Variants in FH observed in about 807,000 individuals in gnomAD.
FH encodes fumarate hydratase, mitochondrial.
Under a neutral mutation model 49.4 loss-of-function variants are expected in FH, and 22 were observed. The ratio of observed to expected loss-of-function variants is 0.45; its 90% CI spans 0.32 to 0.64. The LOEUF (loss-of-function observed/expected upper bound fraction) is 0.64. Among genes scored for constraint, FH ranks in the 30% least tolerant of loss-of-function variants. FH has a pLI of 0.05. For synonymous variants in FH, 208 were observed against 223.0 expected (o/e 0.93, Z 0.60); for missense variants, 526 against 641.5 (o/e 0.82, Z 1.95).
chr1:241,502,638 T>A, intron 7 of FH, 68 bp from the exon 8 acceptor site: 2 of 1,553,158 alleles, frequency 1.3e-6, no homozygotes, highest in South Asian at 2.2e-5. Flanking sequence ...AATAAAGAAA[T>A]CTAATTTCAC....
chr1:241,517,411 A>C (rs574467862), intron 1 of FH, 95 bp from the exon 2 acceptor site: 1 of 1,363,454 alleles, frequency 7.3e-7, no homozygotes, highest in Admixed American at 1.8e-5. Context: ...AAGAAACCTG[A>C]ATAAGTATCA....
chr1:241,497,605 TAA>T lies in FH; in HGVS notation c.*221_*222del, dbSNP rs112946286. 3,024 of 451,666 alleles carry T rather than the reference TAA, an allele frequency of 6.7e-3. 68 individuals are homozygous for T. Among genetic ancestry groups the T allele is most frequent in the African/African-American group, 0.053 (2,725 of 51,472 alleles). The allele number at this position is 451,666 out of a possible 1,614,324, so 28.0% of individuals were successfully genotyped here. On this transcript the variant is annotated 3_prime_UTR_variant, in exon 10 of 10. Transcript: ENST00000366560. ...AAGTCAATTAACATAGGAGAAAATT[TAA>T]GTCTGTTTTCCTTTTTATTTTATAA...
intron 5 of FH, among the ~76,000 whole-genome samples, chr1:241,507,524 G>A (rs887228952): frequency 2.0e-5 from 3 of 151,964 alleles, no homozygotes; most frequent in Non-Finnish European, 4.4e-5. Flanking sequence ...ATAAAAGCAA[G>A]TATAAATGCT....
rs200159437 is a variant in FH, at chr1:241,519,731, G to A, written c.-9C>T. The A allele has an allele frequency of 2.7e-5, 42 of 1,530,138 alleles. No individual in the cohort carries two copies. The highest frequency in any genetic ancestry group is 1.3e-4 in the South Asian group (11 of 82,384). 94.8% of individuals were successfully genotyped at this position (1,530,138 alleles called of 1,614,324 possible). ...CGAAGTGCTCGGTACATGGTGCTGA[G>A]GGAGCTTGGGTAGAATTTCTGGGCG... is the stretch of plus-strand genomic sequence containing the variant. On this transcript the variant is annotated 5_prime_UTR_variant, in exon 1 of 10. Transcript: ENST00000366560.
At chr1:241,509,876 C>T (rs1660039216) in intron 4 of FH, among the ~76,000 whole-genome samples, 1 of 151,602 alleles carries the variant, frequency 6.6e-6, no homozygotes, top group African/African-American at 2.4e-5. Flanking sequence ...TAAAAAGATA[C>T]ATTATTTATA....
At chr1:241,500,625 G>C (rs1659754430) in intron 8 of FH, 35 bp from the exon 9 acceptor site, 1 of 1,608,550 alleles carries the variant, frequency 6.2e-7, no homozygotes, top group East Asian at 2.2e-5. Context: ...GAGAGAGAGA[G>C]AGAGAGAGAG....
intron 9 of FH, 22 bp downstream of exon 9, chr1:241,500,412 ATAT>A: frequency 1.2e-6 from 2 of 1,609,356 alleles, no homozygotes; most frequent in South Asian, 1.1e-5. Context: ...ATTCAAAATG[ATAT>A]TATTATTCCT....
chr1:241,514,017 G>A (rs899343867), intron 2 of FH, among the ~76,000 whole-genome samples: 2 of 151,976 alleles, frequency 1.3e-5, no homozygotes, highest in African/African-American at 4.8e-5. Context: ...ACAATCCTAT[G>A]CACAAATACA....
Position 241,500,553 on chromosome 1 carries a change from T to A in FH, c.1274A>T (p.Asp425Val), listed in dbSNP as rs1038324354. 6.2e-7 allele frequency: 1 copy of A among 1,606,300 alleles called. No individual in the cohort carries two copies. Among genetic ancestry groups the A allele is most frequent in the East Asian group, 2.2e-5 (1 of 44,650 alleles). Residue 425 changes from aspartate to valine, a missense_variant, in exon 9 of 10, where the codon GAT becomes GTT. By Grantham distance (152) the Asp-to-Val change is radical. This residue lies in a region of FH where 383 missense variants were observed against 514.0 expected (regional missense o/e 0.75). Transcript: ENST00000366560. ...GTTTTCTGTAAAGGAAACTGAAGCATCCCCCAGCAGCCTGGCTGAGTGTAA... is the reference window on the plus strand; with the variant it reads ...GTTTTCTGTAAAGGAAACTGAAGCAACCCCCAGCAGCCTGGCTGAGTGTAA... Reference protein sequence around the residue: ...NVLHSARLLGDASVSFTENCV... With the variant: ...NVLHSARLLGVASVSFTENCV...
chr1:241,512,117 A>C lies in FH; in HGVS notation c.405T>G (p.His135Gln), dbSNP rs1298815479. 2.5e-6 allele frequency: 4 copies of C among 1,613,890 alleles called. No individual in the cohort carries two copies. The Admixed American group carries it at 6.7e-5, about 27-fold the overall frequency. Residue 135 changes from histidine to glutamine, a missense_variant, in exon 4 of 10, where the codon CAT becomes CAG. Physicochemically the swap from His to Gln is conservative, Grantham distance 24. Coordinates refer to ENST00000366560, the MANE Select transcript of FH (RefSeq NM_000143.4). ...CAGTCTGCCATACCACGAGAGGAAA[A>C]TGATCATTTAATTTACCTTCAGCTA... ...DEVAEGKLND[H>Q]FPLVVWQTGS...
chr1:241,518,321 C>A (rs535226675), intron 1 of FH, among the ~76,000 whole-genome samples: 1 of 152,190 alleles, frequency 6.6e-6, no homozygotes, highest in Non-Finnish European at 1.5e-5. Context: ...TTGACATTTG[C>A]ATCAACAGGA....
chr1:241,518,235 T>C (rs1423069449), intron 1 of FH, among the ~76,000 whole-genome samples: 1 of 152,168 alleles, frequency 6.6e-6, no homozygotes, highest in Non-Finnish European at 1.5e-5. Context: ...GTACCAGAAC[T>C]AGAAAAAACA....
intron 1 of FH, 153 bp downstream of exon 1, chr1:241,519,438 G>A: frequency 1.1e-6 from 1 of 924,960 alleles, no homozygotes; most frequent in Non-Finnish European, 1.5e-6. Flanking sequence ...GAGGCCGGGA[G>A]GCCCGCCACG....
intron 4 of FH, 130 bp downstream of exon 4, chr1:241,511,834 TAAG>T: frequency 1.2e-6 from 1 of 846,512 alleles, no homozygotes; most frequent in Non-Finnish European, 1.9e-6. Flanking sequence ...CTTCAAGAAA[TAAG>T]AACCATAAGA....
At chr1:241,515,973 T>C (rs747228296) in intron 2 of FH, among the ~76,000 whole-genome samples, 8 of 152,220 alleles carry the variant, frequency 5.3e-5, no homozygotes, top group Non-Finnish European at 1.0e-4. Context: ...TAAATACTTA[T>C]ATATTATCTA....
Position 241,511,961 on chromosome 1 carries a change from A to T in FH, c.555+6T>A. 1 of 1,613,752 alleles carries T rather than the reference A, an allele frequency of 6.2e-7. No homozygotes were observed. Among genetic ancestry groups the T allele is most frequent in the Non-Finnish European group, 8.5e-7 (1 of 1,179,788 alleles). On this transcript the variant is annotated splice_donor_region_variant and intron_variant, in intron 4 of 9. Transcript: ENST00000366560. Reference sequence around the variant, plus strand: ...AACCAAAAAACAGCAAAGCTCACATACTGACCTGGCTTTTATTAACATGAT... The same window carrying T: ...AACCAAAAAACAGCAAAGCTCACATTCTGACCTGGCTTTTATTAACATGAT...
At chr1:241,513,428 T>A (rs1660138912) in intron 3 of FH, among the ~76,000 whole-genome samples, 175 bp downstream of exon 3, 1 of 152,212 alleles carries the variant, frequency 6.6e-6, no homozygotes, top group Non-Finnish European at 1.5e-5. Flanking sequence ...TTTGTCACAA[T>A]GTAACGTTTT....
rs398123168 is a variant in FH, at chr1:241,504,198, G to A, written c.952C>T (p.His318Tyr). 1 of 1,614,178 alleles carries A rather than the reference G, an allele frequency of 6.2e-7. No homozygotes were observed. Among genetic ancestry groups the A allele is most frequent in the Non-Finnish European group, 8.5e-7 (1 of 1,180,018 alleles). Residue 318 changes from histidine (H) to tyrosine (Y), a missense_variant, in exon 7 of 10, where the codon CAT becomes TAT. His to Tyr is a moderately conservative substitution (Grantham distance 83). This residue lies in a region of FH where 383 missense variants were observed against 514.0 expected (regional missense o/e 0.75). Transcript: ENST00000366560. ...CCACTGAGCTCAACCAGAGCGTCAT[G>A]AGCAGCCAGAGCTTCAAATTTATTC... ...APNKFEALAA[H>Y]DALVELSGAM... is the part of the protein sequence containing the mutation.
rs1375102701 is a variant in FH, at chr1:241,513,645, A to G, written c.336T>C (p.Leu112=). ...AAAEVNQDYG[L]DPKIANAIMK... Reference sequence around the variant, plus strand: ...TTATTGCATTAGCAATCTTTGGATCAAGACCATAATCCTGGTTTACTTCAG... The same window carrying G: ...TTATTGCATTAGCAATCTTTGGATCGAGACCATAATCCTGGTTTACTTCAG... Residue 112 remains leucine (L), a synonymous_variant, in exon 3 of 10, where the codon CTT becomes CTC. Transcript: ENST00000366560. 1.2e-6 allele frequency: 2 copies of G among 1,614,154 alleles called. No individual in the cohort carries two copies. The highest frequency in any genetic ancestry group is 1.7e-5 in the Admixed American group (1 of 60,018).
Sources: allele counts gnomAD v4.1 joint callset (sites outside exome capture counted in the v4.1 genomes callset), GRCh38; gene constraint gnomAD v4.1.1; regional missense constraint gnomAD v4.1.1; transcripts MANE v1.5; gene names NCBI Gene and HGNC (gene_info 2026-07-23, HGNC 2026-07-21).